The following CSMD3 variants were observed in gnomAD, a reference collection of about 807,000 sequenced individuals.
CSMD3 encodes CUB and sushi domain-containing protein 3.
CSMD3 carries 177 observed loss-of-function variants against 435.2 expected under a neutral mutation model. The ratio of observed to expected loss-of-function variants is 0.41; its 90% CI spans 0.36 to 0.46. The LOEUF is 0.46. Among genes scored for constraint, CSMD3 ranks in the 20% least tolerant of loss-of-function variants. The pLI is 0.34. For missense variants in CSMD3, 4,265 were observed against 4,504.6 expected, an observed-to-expected ratio of 0.95 and a Z score of 1.52; for synonymous variants, 1,656 against 1,520.5, an observed-to-expected ratio of 1.09 and a Z score of -2.07.
rs575635412 is a variant in CSMD3 at position 112,814,893 on chromosome 8, T to G, written c.1860-14619A>C. 3.0e-3 allele frequency among the ~76,000 whole-genome samples: 463 copies of G among 152,276 alleles called. 1 individual carries two copies. The highest frequency in any genetic ancestry group is 4.9e-3 in the Non-Finnish European group (331 of 68,010). The stretch of plus-strand genomic sequence containing the variant: ...TGACTTTCTATAATCACTCAAGGCC[T>G]TTGGATGCATCCATTAGACATGAGA... On this transcript the variant is annotated intron_variant, in intron 12 of 70. Coordinates refer to ENST00000297405, the MANE Select transcript of CSMD3 (RefSeq NM_198123.2).
chr8:113,008,580 A>T (rs1161030002), intron 6 of CSMD3, among the ~76,000 whole-genome samples: 1 of 151,710 alleles, frequency 6.6e-6, no homozygotes, highest in Non-Finnish European at 1.5e-5. Context: ...ATTTAGAAAC[A>T]GGTAGTGAAA....
intron 32 of CSMD3, among the ~76,000 whole-genome samples, chr8:112,418,477 T>C (rs938050757): frequency 2.6e-5 from 4 of 152,156 alleles, no homozygotes; most frequent in Non-Finnish European, 5.9e-5. Context: ...TGAAAGTACT[T>C]ATTGTATAAA....
At chr8:113,300,334 C>T (rs1474600737) in intron 2 of CSMD3, among the ~76,000 whole-genome samples, 1 of 152,028 alleles carries the variant, frequency 6.6e-6, no homozygotes, top group African/African-American at 2.4e-5. Flanking sequence ...ACTGCATATC[C>T]ACTCAAAGGA....
chr8:112,737,478 G>A (rs967289878), intron 13 of CSMD3, among the ~76,000 whole-genome samples: 7 of 151,866 alleles, frequency 4.6e-5, no homozygotes, highest in African/African-American at 7.2e-5. Flanking sequence ...TTCCTGGAAG[G>A]TGAAGGATAG....
At chr8:112,944,506 C>T (rs2083545167) in intron 9 of CSMD3, among the ~76,000 whole-genome samples, 1 of 151,694 alleles carries the variant, frequency 6.6e-6, no homozygotes, top group Non-Finnish European at 1.5e-5. Flanking sequence ...TCTTGATTTC[C>T]TAATGACTAC....
At chr8:113,343,063 G>T (rs970550639) in intron 1 of CSMD3, among the ~76,000 whole-genome samples, 1 of 151,812 alleles carries the variant, frequency 6.6e-6, no homozygotes, top group African/African-American at 2.4e-5. Flanking sequence ...AAGAGAAGAA[G>T]TCAATAAAGG....
intron 4 of CSMD3, among the ~76,000 whole-genome samples, chr8:113,110,054 T>C (rs947635136): frequency 5.9e-5 from 9 of 152,192 alleles, no homozygotes; most frequent in African/African-American, 1.2e-4. Context: ...CAGGCTCTTG[T>C]AGCCTGGCCT....
At chr8:112,304,572 T>C (rs1426427135) in intron 52 of CSMD3, 149 bp downstream of exon 52, 11 of 658,296 alleles carry the variant, frequency 1.7e-5, no homozygotes, top group Non-Finnish European at 2.7e-5. Flanking sequence ...GAAACATAGT[T>C]AGAAAATTTA....
rs551797489 is a variant in CSMD3 at position 112,731,274 on chromosome 8, G to A, written c.1973-41224C>T. 7.9e-5 allele frequency among the ~76,000 whole-genome samples: 12 copies of A among 152,150 alleles called. 1 individual carries two copies. The Middle Eastern group carries it at 0.014, about 174-fold the overall frequency. On this transcript the variant is annotated intron_variant, in intron 13 of 70. Coordinates refer to ENST00000297405, the MANE Select transcript of CSMD3 (RefSeq NM_198123.2). ...TATACTGAATTTCTGTCATGACTAC[G>A]TCCACAAGTGATAGTCATTTTTTAA...
At chr8:112,935,363 C>T (rs2083249522) in intron 9 of CSMD3, among the ~76,000 whole-genome samples, 1 of 151,918 alleles carries the variant, frequency 6.6e-6, no homozygotes, top group African/African-American at 2.4e-5. Flanking sequence ...CTAAAAATTG[C>T]TTTGGCTATT....
At chr8:113,102,713 C>G (rs974009427) in intron 4 of CSMD3, among the ~76,000 whole-genome samples, 3 of 152,082 alleles carry the variant, frequency 2.0e-5, no homozygotes, top group Non-Finnish European at 4.4e-5. Flanking sequence ...GCTTCACTGA[C>G]ACTTTTACCA....
At chr8:112,331,056 T>C (rs1265425514) in intron 45 of CSMD3, among the ~76,000 whole-genome samples, 2 of 152,044 alleles carry the variant, frequency 1.3e-5, no homozygotes, top group Non-Finnish European at 1.5e-5. Flanking sequence ...ATAGGGTTAC[T>C]ATGAAAATTA....
At chr8:112,833,717 G>T (rs231322) in intron 11 of CSMD3, among the ~76,000 whole-genome samples, 38,498 of 151,264 alleles carry the variant, frequency 0.25, 5,340 homozygotes, top group Non-Finnish European at 0.32. Flanking sequence ...TGTGTCTGTA[G>T]GTTTGCATGG....
At chr8:113,267,737 C>T (rs1196567649) in intron 3 of CSMD3, among the ~76,000 whole-genome samples, 1 of 151,452 alleles carries the variant, frequency 6.6e-6, no homozygotes, top group Non-Finnish European at 1.5e-5. Flanking sequence ...ATGATGGCCA[C>T]CCTAAATATC....
chr8:113,147,644 A>G (rs2091707883), intron 4 of CSMD3, among the ~76,000 whole-genome samples: 1 of 150,936 alleles, frequency 6.6e-6, no homozygotes, highest in Admixed American at 6.6e-5. Context: ...AATATAACTT[A>G]CTCTTTTTGG....
intron 5 of CSMD3, among the ~76,000 whole-genome samples, chr8:113,063,203 C>A (rs973909154): frequency 6.6e-6 from 1 of 151,212 alleles, no homozygotes; most frequent in Non-Finnish European, 1.5e-5. Context: ...AAAACTTTAC[C>A]ATTCACAGTG....
intron 10 of CSMD3, among the ~76,000 whole-genome samples, chr8:112,919,005 T>C (rs979744249): frequency 2.0e-5 from 3 of 151,970 alleles, no homozygotes; most frequent in Non-Finnish European, 4.4e-5. Context: ...TATTTCAGCA[T>C]GTTCCCTCCA....
At chr8:112,608,710 A>G (rs1832990869) in intron 22 of CSMD3, among the ~76,000 whole-genome samples, 2 of 152,046 alleles carry the variant, frequency 1.3e-5, no homozygotes, top group Non-Finnish European at 2.9e-5. Flanking sequence ...TATATGGTCA[A>G]TTAATCTTCG....
chr8:112,354,238 T>A lies in CSMD3; in HGVS notation c.6137-1704A>T, dbSNP rs368532595. Among the ~76,000 whole-genome samples the A allele has an allele frequency of 4.7e-4, 71 of 152,076 alleles. No individual in the cohort carries two copies. The East Asian group carries it at 8.5e-3, about 18-fold the overall frequency. ...ATATATGACAAACCCACAGACAATA[T>A]AATACTGAGTGGGCAAAAGCTGGGA... On this transcript the variant is annotated intron_variant, in intron 38 of 70. Transcript: ENST00000297405.
Sources: allele counts gnomAD v4.1 joint callset (sites outside exome capture counted in the v4.1 genomes callset), GRCh38; gene constraint gnomAD v4.1.1; transcripts MANE v1.5; gene names NCBI Gene and HGNC (gene_info 2026-07-23, HGNC 2026-07-21).